The following MX2 variants were observed in gnomAD, a reference collection of about 807,000 sequenced individuals.
The protein encoded by MX2 is MX dynamin like GTPase 2.
A neutral mutation model predicts 74.0 loss-of-function variants in MX2; 51 were observed. The observed-to-expected ratio is 0.69, with a 90% CI of 0.55 to 0.87. The LOEUF is 0.87. MX2 is among the 40% of genes least tolerant of loss of function. The pLI, the probability that MX2 is intolerant of heterozygous loss-of-function variation, is 0.00. For missense variants in MX2, 832 were observed against 908.7 expected (o/e 0.92, Z 1.09); for synonymous variants, 369 against 339.3 (o/e 1.09, Z -0.96).
chr21:41,407,943 C>T (rs1224963265), intron 13 of MX2, 48 bp from the exon 14 acceptor site: 2 of 1,608,762 alleles, frequency 1.2e-6, no homozygotes, highest in South Asian at 1.1e-5. Context: ...CAACCACAGG[C>T]CTTGGGCTGA....
rs2089771530 is a variant in MX2, at chr21:41,398,920, A to T, written c.1173A>T (p.Gly391=). 6.2e-7 allele frequency: 1 copy of T among 1,613,634 alleles called. No individual in the cohort carries two copies. The highest frequency in any genetic ancestry group is 1.3e-5 in the African/African-American group (1 of 75,046). Reference sequence around the variant, plus strand: ...AGAAATCGCTCCCGTTGTTAGAAGGACAAATAAGGGAGAGCCACCAGAAGG... The same window carrying T: ...AGAAATCGCTCCCGTTGTTAGAAGGTCAAATAAGGGAGAGCCACCAGAAGG... The part of the protein sequence containing the change: ...HIQKSLPLLE[G]QIRESHQKAT... Residue 391 remains glycine, a synonymous_variant, in exon 9 of 14, where the codon GGA becomes GGT. Coordinates refer to ENST00000330714, the MANE Select transcript of MX2 (RefSeq NM_002463.2).
intron 10 of MX2, among the ~76,000 whole-genome samples, chr21:41,400,567 G>A (rs2089797693): frequency 6.6e-6 from 1 of 151,750 alleles, no homozygotes. Flanking sequence ...ATAAAGAAAG[G>A]AGGTTTAATG....
chr21:41,401,113 C>T (rs982143274), intron 10 of MX2: 1 of 152,240 alleles, frequency 6.6e-6, no homozygotes, highest in Admixed American at 6.5e-5. Flanking sequence ...CCAGGTTGCT[C>T]TCTTGACACA....
Position 41,377,981 on chromosome 21 carries a change from G to C in MX2, c.442G>C (p.Gly148Arg). Residue 148 changes from glycine to arginine, a missense_variant and splice_region_variant, in exon 3 of 14, where the codon GGA becomes CGA. By Grantham distance (125) the Gly-to-Arg change is moderately radical (BLOSUM62 -2). Coordinates refer to ENST00000330714, the MANE Select transcript of MX2 (RefSeq NM_002463.2). ...LSGVALPRGS[G>R]IVTRCPLVLK... ...AGGAGTCGCGCTTCCCAGAGGCAGC[G>C]GTAAGTTCAACGGACCACCTTCCCT... The C allele has an allele frequency of 6.2e-7, 1 of 1,612,314 alleles. No homozygotes were observed. Among genetic ancestry groups the C allele is most frequent in the Non-Finnish European group, 8.5e-7 (1 of 1,178,610 alleles).
intron 5 of MX2, chr21:41,389,897 G>A (rs2089633294): frequency 6.6e-6 from 1 of 152,104 alleles, no homozygotes; most frequent in African/African-American, 2.4e-5. Context: ...TTAAAAGTTG[G>A]CATTTTAAGG....
At chr21:41,391,714 A>G (rs1168769963) in intron 6 of MX2, among the ~76,000 whole-genome samples, 1 of 152,108 alleles carries the variant, frequency 6.6e-6, no homozygotes, top group Non-Finnish European at 1.5e-5. Flanking sequence ...GTCAATCAAT[A>G]GTCATGGGAT....
Position 41,395,155 on chromosome 21 carries a change from G to T in MX2, c.872-432G>T, listed in dbSNP as rs190785310. On this transcript the variant is annotated intron_variant, in intron 6 of 13. Coordinates refer to ENST00000330714, the MANE Select transcript of MX2 (RefSeq NM_002463.2). ...GGAAGGAGTGGGGACAGAGGAGGGGGAGAGGAAAGTGGGAAGGAGGAGATC... is the reference window on the plus strand; with the variant it reads ...GGAAGGAGTGGGGACAGAGGAGGGGTAGAGGAAAGTGGGAAGGAGGAGATC... 2.0e-5 allele frequency among the ~76,000 whole-genome samples: 3 copies of T among 152,224 alleles called. No individual in the cohort carries two copies. In the East Asian group the frequency reaches 5.8e-4, roughly 29 times the overall value.
At chr21:41,372,502 G>T (rs1203430700) in intron 1 of MX2, among the ~76,000 whole-genome samples, 1 of 152,142 alleles carries the variant, frequency 6.6e-6, no homozygotes, top group Non-Finnish European at 1.5e-5. Context: ...TACTATTTTA[G>T]AACTCTTAAT....
chr21:41,400,893 GA>G (rs2089803368), intron 10 of MX2: 1 of 152,212 alleles, frequency 6.6e-6, no homozygotes, highest in African/African-American at 2.4e-5. Context: ...TTTTAGTAGA[GA>G]TGGGGTTTTG....
Position 41,388,393 on chromosome 21 carries a change from A to G in MX2, c.733-2172A>G, listed in dbSNP as rs2089610192. 6.6e-6 allele frequency among the ~76,000 whole-genome samples: 1 copy of G among 151,894 alleles called. No homozygotes were observed. The highest frequency in any genetic ancestry group is 6.6e-5 in the Admixed American group (1 of 15,266). On this transcript the variant is annotated intron_variant, in intron 5 of 13. Coordinates refer to ENST00000330714, the MANE Select transcript of MX2 (RefSeq NM_002463.2). This position sits in a 1 kb window ranked among gnomAD's most constrained non-coding sequence, Gnocchi z 4.0. ...TCTTGCGTGTGCATGCACGCTTCCC[A>G]CTGCCCGGTGCTCTGCCCGCATGGC...
chr21:41,375,212 G>A (rs747246022), intron 1 of MX2, among the ~76,000 whole-genome samples: 57 of 152,188 alleles, frequency 3.7e-4, no homozygotes, highest in Non-Finnish European at 7.5e-4. Flanking sequence ...TTGTCACCTG[G>A]AGCCTGGTTG....
chr21:41,403,468 G>A, intron 12 of MX2, 125 bp downstream of exon 12: 2 of 904,090 alleles, frequency 2.2e-6, no homozygotes, highest in South Asian at 1.3e-5. Flanking sequence ...TGGCGAGGCT[G>A]GCAGGGCTGG....
At chr21:41,387,872 A>G (rs977111885) in intron 5 of MX2, among the ~76,000 whole-genome samples, 4 of 152,148 alleles carry the variant, frequency 2.6e-5, no homozygotes, top group African/African-American at 9.7e-5. Context: ...TCCCCGTCTC[A>G]GACAGTGGCA....
intron 1 of MX2, among the ~76,000 whole-genome samples, chr21:41,371,820 G>A (rs556606715): frequency 3.3e-5 from 5 of 152,202 alleles, no homozygotes; most frequent in African/African-American, 7.2e-5. Flanking sequence ...AGCCCCGGCT[G>A]TCACCAGTGC....
In MX2 at chr21:41,397,660, GACTT is replaced by G. The variant is rs2089753807; in HGVS notation, c.1121_1124del (p.Leu374ProfsTer15). 2 of 1,614,142 alleles carry G rather than the reference GACTT, an allele frequency of 1.2e-6. No individual in the cohort carries two copies. Among genetic ancestry groups the G allele is most frequent in the Non-Finnish European group, 1.7e-6 (2 of 1,180,018 alleles). On this transcript the variant is annotated frameshift_variant, in exon 8 of 14. Coordinates refer to ENST00000330714, the MANE Select transcript of MX2 (RefSeq NM_002463.2). LOFTEE classifies it high-confidence loss of function. The stretch of plus-strand genomic sequence containing the variant: ...GCCACGGTTCCCCGACTGGCAGAAA[GACTT>G]ACCACTGAACTCATCATGCATATCC...
chr21:41,387,433 G>T lies in MX2; in HGVS notation c.733-3132G>T, dbSNP rs2089595116. On this transcript the variant is annotated intron_variant, in intron 5 of 13. Transcript: ENST00000330714. ...CCACTTTCCCGGCAACAAGTGCTTG[G>T]CAGTGTTCACCCACCAAATGTGTTA... Among the ~76,000 whole-genome samples the T allele has an allele frequency of 2.0e-5, 3 of 152,292 alleles. No individual in the cohort carries two copies. The South Asian group carries it at 6.2e-4, about 32-fold the overall frequency.
intron 8 of MX2, 151 bp from the exon 9 acceptor site, chr21:41,398,746 T>G (rs1410218189): frequency 8.5e-6 from 9 of 1,056,482 alleles, no homozygotes; most frequent in Non-Finnish European, 1.2e-5. Context: ...GGCCTACACA[T>G]GTAATCCCAG....
chr21:41,367,936 T>A (rs914700200), intron 1 of MX2, among the ~76,000 whole-genome samples: 8 of 152,242 alleles, frequency 5.3e-5, no homozygotes, highest in African/African-American at 1.9e-4. Flanking sequence ...GGCTGTCTGC[T>A]GCACCCTGAC....
At chr21:41,383,760 C>T (rs1176086502) in intron 5 of MX2, among the ~76,000 whole-genome samples, 3 of 152,298 alleles carry the variant, frequency 2.0e-5, no homozygotes, top group Non-Finnish European at 2.9e-5. Flanking sequence ...ACATCCAAAT[C>T]GCCATTCTCT....
Sources: gnomAD v4.1 joint callset for allele counts (sites outside exome capture counted in the v4.1 genomes callset) on GRCh38, gnomAD v4.1.1 for gene constraint, Gnocchi (gnomAD v3.1) non-coding constraint, MANE v1.5 for transcripts, NCBI Gene and HGNC (gene_info 2026-07-23, HGNC 2026-07-21) for gene names.